Variants in DAB1 observed in about 807,000 individuals in gnomAD.
DAB1 encodes disabled homolog 1.
Under a neutral mutation model 64.6 loss-of-function variants are expected in DAB1, and 15 were observed. That is an observed-to-expected ratio of 0.23 (90% CI 0.16 to 0.36). DAB1 has a LOEUF of 0.36. Among genes scored for constraint, DAB1 ranks in the 10% least tolerant of loss-of-function variants. The pLI is 1.00. For synonymous variants in DAB1, 235 were observed against 251.9 expected (o/e 0.93, Z 0.64); for missense variants, 596 against 706.7 (o/e 0.84, Z 1.78).
chr1:57,410,735 C>G (rs1377740186), intron 1 of DAB1, among the ~76,000 whole-genome samples: 2 of 152,136 alleles, frequency 1.3e-5, no homozygotes, highest in African/African-American at 4.8e-5. Context: ...TCACATGAAC[C>G]CACAGACAGC....
chr1:58,399,250 A>G (rs1644550420), intron 3 of DAB1, among the ~76,000 whole-genome samples: 1 of 152,192 alleles, frequency 6.6e-6, no homozygotes, highest in Non-Finnish European at 1.5e-5. Flanking sequence ...ATCCTCTGTG[A>G]CCTTTCCCTG....
chr1:57,058,031 C>A (rs917811422), intron 9 of DAB1, among the ~76,000 whole-genome samples: 2 of 151,984 alleles, frequency 1.3e-5, no homozygotes, highest in African/African-American at 2.4e-5. Context: ...GAGGAAAAAT[C>A]CAACCCTAGG....
chr1:58,536,375 A>G lies in DAB1; in HGVS notation n.33-9040T>C, dbSNP rs1569972939. 1.6e-5 allele frequency: 10 copies of G among 611,222 alleles called. No individual in the cohort carries two copies. The East Asian group carries it at 2.8e-4, about 17-fold the overall frequency. The allele number at this position is 611,222 out of a possible 1,614,324, so 37.9% of individuals were successfully genotyped here. ...AGGAATACTAAGTGTGAAAGGTCTG[A>G]GGCCTTCGGGAAAAAAAAATGCTAA... On this transcript the variant is annotated intron_variant and non_coding_transcript_variant, in intron 1 of 20. Transcript: ENST00000485760.
intron 6 of DAB1, among the ~76,000 whole-genome samples, chr1:57,666,279 T>C (rs1357961005): frequency 2.0e-5 from 3 of 152,206 alleles, no homozygotes; most frequent in East Asian, 1.9e-4. Flanking sequence ...GTGACCATAA[T>C]GAACAGAAAA....
chr1:57,997,765 G>A (rs186863955), intron 5 of DAB1, among the ~76,000 whole-genome samples: 11 of 152,126 alleles, frequency 7.2e-5, no homozygotes, highest in African/African-American at 2.7e-4. Context: ...TCCAGAATCA[G>A]AATCATTTAG....
At position 58,483,499 on chromosome 1, in the gene DAB1, C is replaced by T. The variant is rs1325837391; in HGVS notation, n.257+22561G>A. 2.6e-5 allele frequency among the ~76,000 whole-genome samples: 4 copies of T among 152,200 alleles called. No homozygotes were observed. The South Asian group carries it at 8.3e-4, about 32-fold the overall frequency. On this transcript the variant is annotated intron_variant and non_coding_transcript_variant, in intron 3 of 20. Coordinates refer to the DAB1 transcript ENST00000485760. ...AAGGTAAGCTGGAGAGTTGAAAAAA[C>T]ATTACTTAACGTGAAATTCTTCAGT...
At chr1:57,549,844 G>A (rs1644894730) in intron 7 of DAB1, among the ~76,000 whole-genome samples, 2 of 152,282 alleles carry the variant, frequency 1.3e-5, no homozygotes, top group East Asian at 1.9e-4. Context: ...ACAGAAATGA[G>A]ATTTTTGAGG....
At chr1:57,566,844 G>A (rs1645128589) in intron 7 of DAB1, among the ~76,000 whole-genome samples, 1 of 152,224 alleles carries the variant, frequency 6.6e-6, no homozygotes, top group African/African-American at 2.4e-5. Flanking sequence ...TTCTACCAGA[G>A]GTACAAGAAG....
intron 2 of DAB1, among the ~76,000 whole-genome samples, chr1:57,271,310 T>C (rs973739351): frequency 6.6e-6 from 1 of 152,200 alleles, no homozygotes; most frequent in Admixed American, 6.5e-5. Flanking sequence ...CATGACTGTA[T>C]GTGAAAAGCT....
At chr1:57,009,236 G>T (rs1646189627) in intron 14 of DAB1, among the ~76,000 whole-genome samples, 2 of 152,128 alleles carry the variant, frequency 1.3e-5, no homozygotes, top group South Asian at 4.1e-4. Context: ...AATACCTCGT[G>T]GGGAATCATC....
intron 3 of DAB1, among the ~76,000 whole-genome samples, chr1:58,425,164 G>C (rs1448721137): frequency 1.3e-5 from 2 of 152,188 alleles, no homozygotes; most frequent in Admixed American, 1.3e-4. Flanking sequence ...CTTGAAACAA[G>C]ACAAGCCCCC....
intron 4 of DAB1, among the ~76,000 whole-genome samples, chr1:57,089,509 G>A (rs185021543): frequency 1.2e-4 from 19 of 152,190 alleles, no homozygotes; most frequent in Non-Finnish European, 2.4e-4. Context: ...TACTCATGGC[G>A]GAAGGTGAAG....
intron 7 of DAB1, among the ~76,000 whole-genome samples, chr1:57,560,579 A>G (rs1645038619): frequency 6.6e-6 from 1 of 152,320 alleles, no homozygotes; most frequent in South Asian, 2.1e-4. Flanking sequence ...CACATTCCTC[A>G]TTTGGGTGTG....
intron 1 of DAB1, among the ~76,000 whole-genome samples, chr1:57,843,835 G>C (rs975197729): frequency 1.3e-5 from 2 of 152,114 alleles, no homozygotes; most frequent in Non-Finnish European, 2.9e-5. Flanking sequence ...TTAGAAGGCT[G>C]TAGGAAGAAA....
chr1:57,365,866 A>G (rs1366535826), intron 1 of DAB1, among the ~76,000 whole-genome samples: 1 of 152,166 alleles, frequency 6.6e-6, no homozygotes, highest in Non-Finnish European at 1.5e-5. Context: ...GTCTTGCTAA[A>G]TCCCGTATAC....
chr1:58,126,176 A>G (rs17116983), intron 5 of DAB1, among the ~76,000 whole-genome samples: 30,441 of 152,158 alleles, frequency 0.2, 3,221 homozygotes, highest in East Asian at 0.36. Context: ...AAGGCCTTAA[A>G]GAACCCACTT....
intron 1 of DAB1, among the ~76,000 whole-genome samples, chr1:57,344,216 T>C (rs1677900836): frequency 6.6e-6 from 1 of 152,176 alleles, no homozygotes; most frequent in Non-Finnish European, 1.5e-5. Context: ...TTGCATACAC[T>C]GTTCCATGCT....
chr1:58,500,271 G>T (rs1469084086), intron 3 of DAB1, among the ~76,000 whole-genome samples: 1 of 152,110 alleles, frequency 6.6e-6, no homozygotes, highest in Non-Finnish European at 1.5e-5. Context: ...TACAGCAGCT[G>T]CTATGATATT....
At chr1:58,169,879 C>A (rs1004674334) in intron 4 of DAB1, among the ~76,000 whole-genome samples, 8 of 152,198 alleles carry the variant, frequency 5.3e-5, no homozygotes, top group Non-Finnish European at 8.8e-5. Context: ...GACCCAGGTA[C>A]ATGTCCCCTT....
Sources: allele counts gnomAD v4.1 joint callset (sites outside exome capture counted in the v4.1 genomes callset), GRCh38; gene constraint gnomAD v4.1.1; transcripts MANE v1.5; gene names NCBI Gene and HGNC (gene_info 2026-07-23, HGNC 2026-07-21).